The following SLC43A2 variants were observed in gnomAD, a reference collection of about 807,000 sequenced individuals.
SLC43A2 encodes the protein large neutral amino acids transporter small subunit 4.
SLC43A2 carries 38 observed loss-of-function variants against 63.2 expected under a neutral mutation model. That is an observed-to-expected ratio of 0.60 (90% confidence interval 0.46 to 0.79). SLC43A2 has a LOEUF of 0.79. Among genes scored for constraint, SLC43A2 ranks in the 30% least tolerant of loss-of-function variants. The pLI, the probability that SLC43A2 is intolerant of heterozygous loss-of-function variation, is 0.00. For synonymous variants in SLC43A2, 322 were observed against 331.0 expected (o/e 0.97, Z 0.30); for missense variants, 644 against 756.2 (o/e 0.85, Z 1.74).
At chr17:1,603,061 G>A (rs1325486078) in intron 5 of SLC43A2, 2 of 151,728 alleles carry the variant, frequency 1.3e-5, no homozygotes, top group Non-Finnish European at 2.9e-5. Flanking sequence ...GCCCGGCCGA[G>A]GGTTTTAAAG....
chr17:1,585,948 G>A lies in SLC43A2; in HGVS notation c.1182C>T (p.Asp394=), dbSNP rs376632654. ...CTTTCTCCTCGGGCTCCTCGGAGGC[G>A]TCTTCACACTCCTTCAGCCTCCAGT... ...IMDWRLKECE[D]ASEEPEEKDA... Residue 394 remains aspartate (D), a synonymous_variant, in exon 10 of 14, where the codon GAC becomes GAT. Transcript: ENST00000301335. 2.2e-5 allele frequency: 35 copies of A among 1,613,530 alleles called. No homozygotes were observed. The highest frequency in any genetic ancestry group is 9.3e-5 in the African/African-American group (7 of 74,946).
In SLC43A2 at chr17:1,578,076, T is replaced by C. The variant is rs551203166; in HGVS notation, c.1424+174A>G. 9.2e-5 allele frequency among the ~76,000 whole-genome samples: 14 copies of C among 152,320 alleles called. No individual in the cohort carries two copies. The highest frequency in any genetic ancestry group is 3.1e-4 in the African/African-American group (13 of 41,568). ...CCACTGACCTGCTTCCCACGAGGTA[T>C]GGCCTTTCCCTGAAACACCCAGCAG... On this transcript the variant is annotated intron_variant, in intron 12 of 13. Coordinates refer to ENST00000301335, the MANE Select transcript of SLC43A2 (RefSeq NM_152346.3). This position sits in a 1 kb window ranked among gnomAD's most constrained non-coding sequence, Gnocchi z 6.5.
intron 6 of SLC43A2, among the ~76,000 whole-genome samples, chr17:1,591,917 T>C (rs368973105): frequency 4.6e-5 from 7 of 152,206 alleles, no homozygotes; most frequent in Admixed American, 3.3e-4. Context: ...GGGCCTGGCG[T>C]GTGATTAGCC....
rs2075906764 is a variant in SLC43A2, at chr17:1,575,384, G to C, written c.*220C>G. On this transcript the variant is annotated 3_prime_UTR_variant, in exon 14 of 14. Transcript: ENST00000301335. ...GGTCCCCGGGGGGCGGCAGAGCAAAGTCAGGGCAGCCCCTGCGTTCGGCAG... is the reference window on the plus strand; with the variant it reads ...GGTCCCCGGGGGGCGGCAGAGCAAACTCAGGGCAGCCCCTGCGTTCGGCAG... 3.2e-6 allele frequency: 2 copies of C among 615,412 alleles called. No individual in the cohort carries two copies. Among genetic ancestry groups the C allele is most frequent in the Non-Finnish European group, 2.8e-6 (1 of 360,576 alleles). 38.1% of individuals were successfully genotyped at this position (615,412 alleles called of 1,614,324 possible).
intron 5 of SLC43A2, chr17:1,603,116 G>A (rs1210083582): frequency 6.6e-6 from 1 of 152,122 alleles, no homozygotes; most frequent in East Asian, 1.9e-4. Context: ...ATTATGATAT[G>A]TGTTATGACT....
At chr17:1,586,877 T>G in intron 9 of SLC43A2, 1 of 1,501,528 alleles carries the variant, frequency 6.7e-7, no homozygotes. Context: ...GAGGAGCTTC[T>G]GGGTTGAACA....
rs546576936 is a variant in SLC43A2 at position 1,583,981 on chromosome 17, T to A, written c.1218-645A>T. The stretch of plus-strand genomic sequence containing the variant: ...TGTGATCTCGGCTCATTGCCACCTC[T>A]GCCTCCTGGGTTCAAGCGATTCTCC... On this transcript the variant is annotated intron_variant, in intron 10 of 13. Coordinates refer to ENST00000301335, the MANE Select transcript of SLC43A2 (RefSeq NM_152346.3). This position sits in a 1 kb window ranked among gnomAD's most constrained non-coding sequence, Gnocchi z 5.5. Among the ~76,000 whole-genome samples, 5 of 151,574 alleles carry A rather than the reference T, an allele frequency of 3.3e-5. No homozygotes were observed. The highest frequency in any genetic ancestry group is 1.3e-4 in the Admixed American group (2 of 15,224).
At chr17:1,604,165 C>G (rs530739767) in intron 5 of SLC43A2, among the ~76,000 whole-genome samples, 3 of 149,676 alleles carry the variant, frequency 2.0e-5, no homozygotes, top group Non-Finnish European at 4.4e-5. Context: ...CTCAGCCTCC[C>G]GAGTAGCTGG....
At chr17:1,613,311 T>C in intron 4 of SLC43A2, 40 bp from the exon 5 acceptor site, 1 of 1,600,696 alleles carries the variant, frequency 6.2e-7, no homozygotes, top group Non-Finnish European at 8.6e-7. Context: ...AGACCCCAGC[T>C]GAGCTCCAGG....
intron 5 of SLC43A2, among the ~76,000 whole-genome samples, chr17:1,610,396 G>A (rs953042547): frequency 6.7e-6 from 1 of 149,426 alleles, no homozygotes; most frequent in African/African-American, 2.5e-5. Context: ...CCGAGGAGCT[G>A]GGACTACAAG....
At chr17:1,625,992 G>T (rs57474194) in intron 2 of SLC43A2, among the ~76,000 whole-genome samples, 2 of 129,414 alleles carry the variant, frequency 1.5e-5, no homozygotes, top group African/African-American at 5.7e-5. Context: ...AATTAAATCC[G>T]TGGACATTCT....
rs559945290 is a variant in SLC43A2 at position 1,576,811 on chromosome 17, C to G, written c.1425-91G>C. ...GTGACCCCGGGCTGCACCGTTGGTG[C>G]CAGAGAAGGGTGGGGTGCCAGCCCT... On this transcript the variant is annotated intron_variant, in intron 12 of 13. Coordinates refer to ENST00000301335, the MANE Select transcript of SLC43A2 (RefSeq NM_152346.3). 1.0e-4 allele frequency: 155 copies of G among 1,495,144 alleles called. No individual in the cohort carries two copies. The African/African-American group carries it at 2.0e-3, about 19-fold the overall frequency. The allele number at this position is 1,495,144 out of a possible 1,614,324, so 92.6% of individuals were successfully genotyped here.
intron 5 of SLC43A2, among the ~76,000 whole-genome samples, chr17:1,609,828 GA>G (rs977002552): frequency 8.9e-4 from 112 of 126,312 alleles, no homozygotes; most frequent in East Asian, 7.7e-3. Flanking sequence ...TTTTTTTTAA[GA>G]AAAAAAAAAA....
intron 5 of SLC43A2, among the ~76,000 whole-genome samples, chr17:1,598,151 G>A (rs1005981840): frequency 7.2e-5 from 11 of 152,280 alleles, no homozygotes; most frequent in Admixed American, 4.6e-4. Flanking sequence ...GGCCAGGCGC[G>A]GTGGCTCACG....
At chr17:1,622,481 C>T (rs964060837) in intron 2 of SLC43A2, among the ~76,000 whole-genome samples, 4 of 151,908 alleles carry the variant, frequency 2.6e-5, no homozygotes, top group African/African-American at 4.8e-5. Flanking sequence ...AGGAGAATGG[C>T]GTGAACCCGG....
At chr17:1,621,565 C>CT (rs1908159258) in intron 2 of SLC43A2, among the ~76,000 whole-genome samples, 1 of 152,224 alleles carries the variant, frequency 6.6e-6, no homozygotes, top group Non-Finnish European at 1.5e-5. Context: ...AGGCAGAGGC[C>CT]GTCCTGGGCT....
intron 5 of SLC43A2, among the ~76,000 whole-genome samples, chr17:1,602,091 C>T (rs1209548136): frequency 6.6e-6 from 1 of 152,158 alleles, no homozygotes; most frequent in Non-Finnish European, 1.5e-5. Context: ...CCCAGGTGTG[C>T]GCCGCCCTCC....
intron 9 of SLC43A2, among the ~76,000 whole-genome samples, chr17:1,589,830 A>G (rs564139044): frequency 6.6e-6 from 1 of 152,260 alleles, no homozygotes; most frequent in Admixed American, 6.5e-5. Flanking sequence ...AATCTTGGCC[A>G]GGCTGGTCTT....
intron 5 of SLC43A2, among the ~76,000 whole-genome samples, chr17:1,596,432 A>C (rs1453985129): frequency 2.0e-5 from 3 of 152,146 alleles, no homozygotes; most frequent in African/African-American, 7.2e-5. Flanking sequence ...AAGAAAGTGA[A>C]AAGAATGCAC....
Sources: allele counts gnomAD v4.1 joint callset (sites outside exome capture counted in the v4.1 genomes callset), GRCh38; gene constraint gnomAD v4.1.1; non-coding constraint Gnocchi (gnomAD v3.1); transcripts MANE v1.5; gene names NCBI Gene and HGNC (gene_info 2026-07-23, HGNC 2026-07-21).